The following TRRAP variants were observed in gnomAD, a reference collection of about 807,000 sequenced individuals.
The protein encoded by TRRAP is transformation/transcription domain associated protein, also known as transformation/transcription domain-associated protein.
A neutral mutation model predicts 438.8 loss-of-function variants in TRRAP; 41 were observed. The ratio of observed to expected loss-of-function variants is 0.09; its 90% CI spans 0.07 to 0.12. The LOEUF (loss-of-function observed/expected upper bound fraction) is 0.12. Among genes scored for constraint, TRRAP ranks in the 10% least tolerant of loss-of-function variants. The pLI is 1.00. For synonymous variants in TRRAP, 1,994 were observed against 1,962.9 expected (o/e 1.02, Z -0.42); for missense variants, 3,122 against 5,055.1 (o/e 0.62, Z 11.60).
intron 29 of TRRAP, 82 bp from the exon 30 acceptor site, chr7:98,937,568 G>T: frequency 7.1e-7 from 1 of 1,405,078 alleles, no homozygotes; most frequent in Admixed American, 2.6e-5. Context: ...GAAACTTGCA[G>T]CTAAGGTTGA....
chr7:99,012,130 A>G lies in TRRAP; in HGVS notation c.11397A>G (p.Thr3799=), dbSNP rs1207918978. The G allele has an allele frequency of 6.2e-7, 1 of 1,614,210 alleles. No homozygotes were observed. Reference sequence around the variant, plus strand: ...AGATCATTGCTTGGCACAAAAAAACACAAGAGGACACGTCCTCTCCTCTCT... The same window carrying G: ...AGATCATTGCTTGGCACAAAAAAACGCAAGAGGACACGTCCTCTCCTCTCT... ...RDEIIAWHKK[T]QEDTSSPLSA... Residue 3799 remains threonine (T), a synonymous_variant, in exon 73 of 73, where the codon ACA becomes ACG. Transcript: ENST00000456197. This position sits in a 1 kb window ranked among gnomAD's most constrained non-coding sequence, Gnocchi z 5.9.
chr7:99,007,756 C>A (rs548852848), intron 69 of TRRAP, among the ~76,000 whole-genome samples: 1 of 152,132 alleles, frequency 6.6e-6, no homozygotes, highest in South Asian at 2.1e-4. Flanking sequence ...TCAAGCGATT[C>A]TCCCACCTCA....
chr7:98,923,363 G>A (rs1210521522), intron 21 of TRRAP, among the ~76,000 whole-genome samples: 12 of 152,306 alleles, frequency 7.9e-5, no homozygotes, highest in East Asian at 1.9e-4. Context: ...GCCTGTCAAG[G>A]CATTCTTTCT....
intron 58 of TRRAP, among the ~76,000 whole-genome samples, chr7:98,979,993 G>A (rs760708375): frequency 3.3e-5 from 5 of 152,182 alleles, no homozygotes; most frequent in Non-Finnish European, 7.3e-5. Context: ...GTAACTGAGG[G>A]TAGGTGTTGT....
At chr7:98,897,160 G>C (rs1016805509) in intron 7 of TRRAP, among the ~76,000 whole-genome samples, 19 of 152,140 alleles carry the variant, frequency 1.2e-4, no homozygotes, top group African/African-American at 4.1e-4. Context: ...ACTTGAACCC[G>C]GGAGGTGGAA....
At chr7:98,896,594 G>A (rs1344711160) in intron 7 of TRRAP, among the ~76,000 whole-genome samples, 3 of 151,554 alleles carry the variant, frequency 2.0e-5, no homozygotes, top group African/African-American at 7.3e-5. Context: ...TTTTAGTAGA[G>A]GCTGGTCTTG....
At chr7:98,910,937 T>A (rs1554408626) in intron 16 of TRRAP, 140 bp from the exon 17 acceptor site, 1 of 686,946 alleles carries the variant, frequency 1.5e-6, no homozygotes, top group Non-Finnish European at 2.2e-6. Flanking sequence ...AAGGAGAATT[T>A]AAAAGGTTTT....
Position 98,962,587 on chromosome 7 carries a change from G to A in TRRAP, c.6829+160G>A, listed in dbSNP as rs147839031. On this transcript the variant is annotated intron_variant, in intron 47 of 72. Transcript: ENST00000456197. ...GTTGCCTGGGGCCCTCAAGGCCGCC[G>A]TCTCCTGTAGACTGCATCCCCCTTC... is the stretch of plus-strand genomic sequence containing the variant. Among the ~76,000 whole-genome samples the A allele has an allele frequency of 8.1e-4, 124 of 152,324 alleles. No individual in the cohort carries two copies. The East Asian group carries it at 0.024, about 29-fold the overall frequency.
In TRRAP at chr7:98,933,405, AG is replaced by A. The variant is rs782022908; in HGVS notation, c.4014+9del. On this transcript the variant is annotated splice_donor_region_variant and intron_variant, in intron 27 of 72. Transcript: ENST00000456197. ...AGCATAAGGTGTTCTACACAGAGGTAGGGGGGTGGTGGTGCGGAGTGGTGTG... is the reference window on the plus strand; with the variant it reads ...AGCATAAGGTGTTCTACACAGAGGTAGGGGGTGGTGGTGCGGAGTGGTGTG... The A allele has an allele frequency of 3.7e-6, 6 of 1,612,272 alleles. No individual in the cohort carries two copies. The Admixed American group carries it at 6.7e-5, about 18-fold the overall frequency.
intron 70 of TRRAP, among the ~76,000 whole-genome samples, 162 bp downstream of exon 70, chr7:99,008,723 G>C (rs1017562335): frequency 1.3e-5 from 2 of 152,232 alleles, no homozygotes; most frequent in Non-Finnish European, 2.9e-5. Context: ...GTGGAAATGA[G>C]ACAGCTATTG....
At position 99,004,328 on chromosome 7, in the gene TRRAP, G is replaced by A; in HGVS notation, c.10448G>A (p.Ser3483Asn). 1.9e-6 allele frequency: 3 copies of A among 1,614,216 alleles called. No homozygotes were observed. Among genetic ancestry groups the A allele is most frequent in the Non-Finnish European group, 2.5e-6 (3 of 1,180,046 alleles). ...ATAGAGGAAAAGTGCCGGTTCTTGA[G>A]CAATTTCTCGGCACAGACAGCTGAA... ...FLIEEKCRFL[S>N]NFSAQTAEVE... The change falls in exon 68 of 73, where the codon AGC becomes AAC. Residue 3483 changes from serine (S) to asparagine (N), a missense_variant. By Grantham distance (46) the Ser-to-Asn change is conservative. Coordinates refer to ENST00000456197, the MANE Select transcript of TRRAP (RefSeq NM_001375524.1).
intron 61 of TRRAP, 30 bp from the exon 62 acceptor site, chr7:98,984,914 A>G (rs1011318585): frequency 6.7e-7 from 1 of 1,482,392 alleles, no homozygotes; most frequent in African/African-American, 1.4e-5. Context: ...AATTTCAAGA[A>G]CTTTTTTTCT....
chr7:99,005,493 AC>A lies in TRRAP; in HGVS notation c.10753+147del. 2.6e-6 allele frequency: 2 copies of A among 755,416 alleles called. No individual in the cohort carries two copies. The highest frequency in any genetic ancestry group is 4.3e-6 in the Non-Finnish European group (2 of 463,184). The allele number at this position is 755,416 out of a possible 1,614,324, so 46.8% of individuals were successfully genotyped here. On this transcript the variant is annotated intron_variant, in intron 69 of 72. Transcript: ENST00000456197. This position sits in a 1 kb window ranked among gnomAD's most constrained non-coding sequence, Gnocchi z 5.1. ...GCAGAGAATGTTGTAGTCTGTGCTG[AC>A]CAGGGAAGGCCTCAGGAAGAGGAGC...
At chr7:98,919,835 C>T (rs1305508032) in intron 20 of TRRAP, among the ~76,000 whole-genome samples, 1 of 152,124 alleles carries the variant, frequency 6.6e-6, no homozygotes, top group Non-Finnish European at 1.5e-5. Context: ...AGGCTCAAGG[C>T]CACAGGAACC....
At chr7:98,985,664 G>A (rs1251861732) in intron 62 of TRRAP, among the ~76,000 whole-genome samples, 4 of 152,230 alleles carry the variant, frequency 2.6e-5, no homozygotes, top group South Asian at 2.1e-4. Flanking sequence ...GATGCTGCCT[G>A]TTGCCTTGTG....
chr7:98,901,213 G>A (rs1796452264), intron 11 of TRRAP, among the ~76,000 whole-genome samples: 1 of 152,260 alleles, frequency 6.6e-6, no homozygotes, highest in African/African-American at 2.4e-5. Flanking sequence ...TTCTGGTGAG[G>A]GCTTTCTTCC....
intron 33 of TRRAP, among the ~76,000 whole-genome samples, chr7:98,946,771 A>G (rs1413107876): frequency 6.6e-6 from 1 of 152,240 alleles, no homozygotes; most frequent in Non-Finnish European, 1.5e-5. Context: ...AATGGGGATG[A>G]TGGCATCTGT....
intron 12 of TRRAP, 135 bp downstream of exon 12, chr7:98,903,652 T>C: frequency 7.9e-7 from 1 of 1,258,798 alleles, no homozygotes; most frequent in Non-Finnish European, 1.1e-6. Flanking sequence ...TTGGGTTCAT[T>C]CTTTCCCCTC....
chr7:98,948,412 A>G lies in TRRAP; in HGVS notation c.4668+72A>G, dbSNP rs1265630301. The G allele has an allele frequency of 5.0e-6, 8 of 1,610,538 alleles. No individual in the cohort carries two copies. Among genetic ancestry groups the G allele is most frequent in the African/African-American group, 1.3e-5 (1 of 74,808 alleles). ...GCTTATAGCGTCCTCACTTGATCGT[A>G]TTTTCAATGGACGGAACAGCATAAA... On this transcript the variant is annotated intron_variant, in intron 34 of 72. Transcript: ENST00000456197. The surrounding 1 kb of genome is among the most constrained non-coding windows in gnomAD (Gnocchi z 4.9).
Sources: allele counts gnomAD v4.1 joint callset (sites outside exome capture counted in the v4.1 genomes callset), GRCh38; gene constraint gnomAD v4.1.1; non-coding constraint Gnocchi (gnomAD v3.1); transcripts MANE v1.5; gene names NCBI Gene and HGNC (gene_info 2026-07-23, HGNC 2026-07-21).